Variants in PLCL1 observed in about 807,000 individuals in gnomAD.
PLCL1 encodes the protein phospholipase C like 1 (inactive).
PLCL1 carries 41 observed loss-of-function variants against 84.4 expected under a neutral mutation model. The ratio of observed to expected loss-of-function variants is 0.49; its 90% CI spans 0.38 to 0.63. PLCL1 has a LOEUF of 0.63. Among genes scored for constraint, PLCL1 ranks in the 30% least tolerant of loss-of-function variants. The probability of loss-of-function intolerance (pLI) is 0.00; values close to 1 mark genes in which losing one functional copy is unlikely to be tolerated. For synonymous variants in PLCL1, 490 were observed against 488.3 expected (o/e 1.00, Z -0.05); for missense variants, 1,206 against 1,367.8 (o/e 0.88, Z 1.87).
chr2:198,010,787 T>C (rs1277425849), intron 1 of PLCL1, among the ~76,000 whole-genome samples: 1 of 151,514 alleles, frequency 6.6e-6, no homozygotes, highest in Non-Finnish European at 1.5e-5. Flanking sequence ...TGGGATTTTC[T>C]CTTTTGGAAG....
intron 1 of PLCL1, among the ~76,000 whole-genome samples, chr2:197,846,041 C>T (rs554533570): frequency 6.6e-5 from 10 of 151,902 alleles, no homozygotes; most frequent in Non-Finnish European, 1.0e-4. Flanking sequence ...AGGGTCTGGT[C>T]GAACAGTCTA....
intron 1 of PLCL1, among the ~76,000 whole-genome samples, chr2:197,853,865 T>C (rs1338090033): frequency 6.6e-6 from 1 of 152,186 alleles, no homozygotes; most frequent in East Asian, 1.9e-4. Flanking sequence ...TGTAGACTAA[T>C]TTAATATGTA....
chr2:197,962,829 T>C (rs1190262091), intron 1 of PLCL1, among the ~76,000 whole-genome samples: 1 of 152,080 alleles, frequency 6.6e-6, no homozygotes, highest in Non-Finnish European at 1.5e-5. Context: ...AGTGAGAACA[T>C]GCAAAATTTG....
chr2:197,840,341 TA>T (rs1686970995), intron 1 of PLCL1, among the ~76,000 whole-genome samples: 1 of 152,030 alleles, frequency 6.6e-6, no homozygotes, highest in East Asian at 1.9e-4. Flanking sequence ...ATCGGTTGAT[TA>T]AAATGCAGAT....
chr2:197,864,952 A>G (rs111604458), intron 1 of PLCL1, among the ~76,000 whole-genome samples: 8 of 152,176 alleles, frequency 5.3e-5, no homozygotes, highest in Non-Finnish European at 1.0e-4. Flanking sequence ...CCTTGATCTA[A>G]GCCACTTTAT....
At chr2:198,096,719 T>G (rs2105908749) in intron 3 of PLCL1, among the ~76,000 whole-genome samples, 1 of 152,256 alleles carries the variant, frequency 6.6e-6, no homozygotes, top group Admixed American at 6.5e-5. Flanking sequence ...AGAACATAAG[T>G]CAAGGGTTAT....
intron 1 of PLCL1, among the ~76,000 whole-genome samples, chr2:197,947,688 A>G (rs1474883287): frequency 6.6e-6 from 1 of 152,152 alleles, no homozygotes. Flanking sequence ...AGAGAGGAAG[A>G]TAGTCTGAAG....
rs543403428 is a variant in PLCL1 at position 197,977,280 on chromosome 2, G to A, written c.241-106478G>A. 5.5e-5 allele frequency among the ~76,000 whole-genome samples: 8 copies of A among 145,318 alleles called. No individual in the cohort carries two copies. In the East Asian group the frequency reaches 1.2e-3, roughly 22 times the overall value. On this transcript the variant is annotated intron_variant, in intron 1 of 5. Coordinates refer to ENST00000428675, the MANE Select transcript of PLCL1 (RefSeq NM_006226.4). ...ACCTTGGATCTTCCCATTTCCCCCC[G>A]CCCCCTCACCTAACCCCCTGTTGTC...
At chr2:197,821,376 G>C (rs1359158984) in intron 1 of PLCL1, among the ~76,000 whole-genome samples, 1 of 152,144 alleles carries the variant, frequency 6.6e-6, no homozygotes, top group African/African-American at 2.4e-5. Flanking sequence ...CTGATGGGAG[G>C]CTATGTCGCT....
chr2:197,843,625 T>C (rs1226353909), intron 1 of PLCL1, among the ~76,000 whole-genome samples: 2 of 152,204 alleles, frequency 1.3e-5, no homozygotes, highest in Non-Finnish European at 2.9e-5. Context: ...AACTCACTTT[T>C]GACTTAAAGG....
At chr2:197,905,153 T>G (rs1049203479) in intron 1 of PLCL1, among the ~76,000 whole-genome samples, 3 of 152,216 alleles carry the variant, frequency 2.0e-5, no homozygotes, top group African/African-American at 7.2e-5. Context: ...TAGGTATACA[T>G]GTGCCATGGT....
chr2:197,961,049 A>G (rs538184493), intron 1 of PLCL1, among the ~76,000 whole-genome samples: 1 of 152,022 alleles, frequency 6.6e-6, no homozygotes. Flanking sequence ...CTCTTTAATA[A>G]TCTCAATCAA....
intron 3 of PLCL1, among the ~76,000 whole-genome samples, chr2:198,090,584 C>T (rs188933811): frequency 6.6e-6 from 1 of 152,144 alleles, no homozygotes; most frequent in African/African-American, 2.4e-5. Context: ...AATGACCATA[C>T]CTGTTATAAA....
intron 1 of PLCL1, among the ~76,000 whole-genome samples, chr2:197,862,546 G>A (rs1278441301): frequency 6.6e-6 from 1 of 152,140 alleles, no homozygotes; most frequent in African/African-American, 2.4e-5. Context: ...GGATGTAGGG[G>A]CCTGAGGAGG....
At chr2:197,891,006 A>T (rs2105725833) in intron 1 of PLCL1, among the ~76,000 whole-genome samples, 1 of 151,566 alleles carries the variant, frequency 6.6e-6, no homozygotes, top group South Asian at 2.1e-4. Context: ...ATTTAGGTAG[A>T]TTCCAAAGGA....
intron 1 of PLCL1, among the ~76,000 whole-genome samples, chr2:198,027,594 C>T (rs2105845702): frequency 6.6e-6 from 1 of 152,150 alleles, no homozygotes; most frequent in East Asian, 1.9e-4. Context: ...TTTGAAACAT[C>T]ATGTTGTACA....
chr2:198,047,165 ATGTGTGTG>A (rs10560234), intron 1 of PLCL1, among the ~76,000 whole-genome samples: 62 of 148,680 alleles, frequency 4.2e-4, no homozygotes, highest in Non-Finnish European at 7.5e-4. Flanking sequence ...ATGTGTGTGT[ATGTGTGTG>A]TGTGTGTGTG....
At chr2:198,020,400 A>G (rs2105838945) in intron 1 of PLCL1, among the ~76,000 whole-genome samples, 1 of 152,292 alleles carries the variant, frequency 6.6e-6, no homozygotes, top group Admixed American at 6.5e-5. Context: ...TTAACCTTAA[A>G]TGTAAATGGG....
At chr2:197,896,780 G>A (rs1688143256) in intron 1 of PLCL1, among the ~76,000 whole-genome samples, 1 of 151,896 alleles carries the variant, frequency 6.6e-6, no homozygotes, top group African/African-American at 2.4e-5. Flanking sequence ...CCTTTCATTG[G>A]TGGCTTTTTT....
Sources: gnomAD v4.1 joint callset for allele counts (sites outside exome capture counted in the v4.1 genomes callset) on GRCh38, gnomAD v4.1.1 for gene constraint, MANE v1.5 for transcripts, NCBI Gene and HGNC (gene_info 2026-07-23, HGNC 2026-07-21) for gene names.